Variants in ATP2B3 observed in about 807,000 individuals in gnomAD.
ATP2B3 encodes plasma membrane calcium-transporting ATPase 3.
ATP2B3 carries 12 observed loss-of-function variants against 70.8 expected under a neutral mutation model. The observed-to-expected ratio is 0.17, with a 90% CI of 0.11 to 0.27. The LOEUF (loss-of-function observed/expected upper bound fraction) is 0.27. ATP2B3 is among the 10% of genes least tolerant of loss of function. The pLI, the probability that ATP2B3 is intolerant of heterozygous loss-of-function variation, is 1.00. For missense variants in ATP2B3, 858 were observed against 1,118.5 expected (o/e 0.77, Z 3.32); for synonymous variants, 460 against 497.8 (o/e 0.92, Z 1.01).
intron 3 of ATP2B3, among the ~76,000 whole-genome samples, chrX:153,539,934 G>A (rs1270692348): frequency 8.8e-6 from 1 of 113,117 alleles, no homozygotes; most frequent in Non-Finnish European, 1.9e-5. Flanking sequence ...TGACAGAATT[G>A]GATAGGGACA....
chrX:153,565,247 C>A, intron 21 of ATP2B3, 144 bp downstream of exon 21: 1 of 794,384 alleles, frequency 1.3e-6, no homozygotes, highest in Non-Finnish European at 1.7e-6. Context: ...ACAAAAGCAG[C>A]TGCCAGTGTC....
chrX:153,558,107 C>A lies in ATP2B3; in HGVS notation c.2434-5C>A. On this transcript the variant is annotated splice_region_variant and splice_polypyrimidine_tract_variant and intron_variant, in intron 16 of 21. Transcript: ENST00000263519. The stretch of plus-strand genomic sequence containing the variant: ...TCTGTGTGAGTGTGTGTGTCACCCC[C>A]CCAGGGCATCGCAGGGACCGACGTG... The A allele has an allele frequency of 8.3e-7, 1 of 1,205,322 alleles. No homozygotes were observed. Among genetic ancestry groups the A allele is most frequent in the Non-Finnish European group, 1.1e-6 (1 of 892,153 alleles).
At position 153,547,940 on chromosome X, in the gene ATP2B3, A is replaced by C; in HGVS notation, c.1064A>C (p.Lys355Thr). The C allele has an allele frequency of 8.3e-7, 1 of 1,211,356 alleles. No homozygotes were observed. The highest frequency in any genetic ancestry group is 1.1e-6 in the Non-Finnish European group (1 of 895,176). Reference protein sequence around the residue: ...REKKKANAPKKEKSVLQGKLT... With the variant: ...REKKKANAPKTEKSVLQGKLT... ...AAGAAGAAAGCCAACGCACCCAAAA[A>C]GGAGAAGTCTGTCCTTCAGGGGAAG... Residue 355 changes from lysine to threonine, a missense_variant, in exon 9 of 22, where the codon AAG becomes ACG. Transcript: ENST00000263519.
intron 2 of ATP2B3, among the ~76,000 whole-genome samples, chrX:153,519,493 G>A (rs1366948828): frequency 9.0e-6 from 1 of 111,281 alleles, no homozygotes; most frequent in East Asian, 2.8e-4. Context: ...TTTCACAGAT[G>A]AGGAAACCGA....
chrX:153,569,369 T>C, intron 21 of ATP2B3: 2 of 539,709 alleles, frequency 3.7e-6, no homozygotes, highest in South Asian at 2.4e-5. Flanking sequence ...CTTCCCAATC[T>C]CATGACCACT....
chrX:153,554,874 T>C (rs1397687182), intron 13 of ATP2B3, among the ~76,000 whole-genome samples: 4 of 110,923 alleles, frequency 3.6e-5, no homozygotes, highest in Non-Finnish European at 7.5e-5. Flanking sequence ...GCCTGGCCCT[T>C]TGGGGCCATG....
chrX:153,546,257 G>A, intron 8 of ATP2B3, 128 bp downstream of exon 8: 1 of 840,594 alleles, frequency 1.2e-6, no homozygotes, highest in Non-Finnish European at 1.7e-6. Flanking sequence ...CAGGTGAGTG[G>A]GCTGGCTGCA....
At chrX:153,531,966 C>T (rs2090124724) in intron 2 of ATP2B3, among the ~76,000 whole-genome samples, 1 of 112,061 alleles carries the variant, frequency 8.9e-6, no homozygotes, top group African/African-American at 3.2e-5. Context: ...GAGTGGAATG[C>T]AGCCTGGGCC....
At chrX:153,523,478 G>A (rs2089986605) in intron 2 of ATP2B3, among the ~76,000 whole-genome samples, 1 of 111,995 alleles carries the variant, frequency 8.9e-6, no homozygotes, top group Non-Finnish European at 1.9e-5. Context: ...CTGCCAAATT[G>A]TTCTCCAAAA....
chrX:153,570,436 A>T (rs1603122485), intron 21 of ATP2B3, among the ~76,000 whole-genome samples: 1 of 112,529 alleles, frequency 8.9e-6, no homozygotes, highest in Non-Finnish European at 1.9e-5. Context: ...CCTCTTCAAG[A>T]CGTTGCCAGG....
rs10701340 is a variant in ATP2B3, at chrX:153,524,238, C to CTGTG, written c.-127+5705_-127+5708dup. Among the ~76,000 whole-genome samples, 365 of 106,196 alleles carry CTGTG rather than the reference C, an allele frequency of 3.4e-3. 1 individual carries two copies. The highest frequency in any genetic ancestry group is 0.011 in the African/African-American group (332 of 29,242). 92.2% of individuals were successfully genotyped at this position (106,196 alleles called of 115,157 possible). ...TCCATGTGTCTTCGTGTGTGTGTGT[C>CTGTG]TGTGTGTGTGTGTGTGTGTGTATTG... is the stretch of plus-strand genomic sequence containing the variant. On this transcript the variant is annotated intron_variant, in intron 2 of 21. Transcript: ENST00000263519.
rs376408495 is a variant in ATP2B3 at position 153,541,365 on chromosome X, C to T, written c.215C>T (p.Ala72Val). 44 of 1,210,487 alleles carry T rather than the reference C, an allele frequency of 3.6e-5. No homozygotes were observed. Among genetic ancestry groups the T allele is most frequent in the Middle Eastern group, 2.3e-4 (1 of 4,353 alleles). Residue 72 changes from alanine (A) to valine (V), a missense_variant, in exon 4 of 22, where the codon GCG becomes GTG. Coordinates refer to ENST00000263519, the MANE Select transcript of ATP2B3 (RefSeq NM_001001344.3). ...CTTCCGGGGCACCATGCAGGCCTGG[C>T]GGACAACACCAATGACCTGGAGAAG... is the stretch of plus-strand genomic sequence containing the variant. ...RLKTSPTEGLADNTNDLEKRR... is the reference protein window; with the variant it reads ...RLKTSPTEGLVDNTNDLEKRR...
At position 153,556,069 on chromosome X, in the gene ATP2B3, A is replaced by G. The variant is rs782536620; in HGVS notation, c.2079A>G (p.Lys693=). The G allele has an allele frequency of 1.6e-6, 2 of 1,212,271 alleles. No homozygotes were observed. Among genetic ancestry groups the G allele is most frequent in the Admixed American group, 4.3e-5 (2 of 46,155 alleles). ...TCTAGGTCCCTGAAGCTATCCGAAA[A>G]TGCCAGCGTGCTGGCATCACAGTCC... ...VRPEVPEAIR[K]CQRAGITVRM... The change falls in exon 14 of 22, where the codon AAA becomes AAG. Residue 693 remains lysine (K), a synonymous_variant. Coordinates refer to ENST00000263519, the MANE Select transcript of ATP2B3 (RefSeq NM_001001344.3).
rs200009523 is a variant in ATP2B3 at position 153,559,747 on chromosome X, G to A, written c.2644G>A (p.Val882Met). 4 of 1,209,428 alleles carry A rather than the reference G, an allele frequency of 3.3e-6. No homozygotes were observed. The highest frequency in any genetic ancestry group is 3.5e-5 in the African/African-American group (2 of 57,083). Residue 882 changes from valine to methionine, a missense_variant, in exon 18 of 22, where the codon GTG becomes ATG. Transcript: ENST00000263519. Reference protein sequence around the residue: ...CITQDSPLKAVQMLWVNLIMD... With the variant: ...CITQDSPLKAMQMLWVNLIMD... ...TCCATAGGACTCTCCTCTCAAAGCC[G>A]TGCAGATGTTGTGGGTGAACTTGAT... is the stretch of plus-strand genomic sequence containing the variant.
intron 2 of ATP2B3, among the ~76,000 whole-genome samples, chrX:153,519,987 G>A (rs1299987230): frequency 9.0e-6 from 1 of 110,836 alleles, no homozygotes; most frequent in Non-Finnish European, 1.9e-5. Context: ...GAGGAGGCTC[G>A]TGAGGGTGCC....
At position 153,534,471 on chromosome X, in the gene ATP2B3, C is replaced by T. The variant is rs782350302; in HGVS notation, c.-126-1651C>T. On this transcript the variant is annotated intron_variant, in intron 2 of 21. Coordinates refer to ENST00000263519, the MANE Select transcript of ATP2B3 (RefSeq NM_001001344.3). ...TAGTCTTTTCCCCCCAATGCCTGTC[C>T]CCAGACGCCTTGCCTCACCTTTGCC... 2.6e-4 allele frequency among the ~76,000 whole-genome samples: 29 copies of T among 112,364 alleles called. 1 individual carries two copies. In the East Asian group the frequency reaches 7.9e-3, roughly 30 times the overall value.
chrX:153,518,682 G>A (rs2089912665), intron 2 of ATP2B3, among the ~76,000 whole-genome samples, 131 bp downstream of exon 2: 1 of 111,128 alleles, frequency 9.0e-6, no homozygotes. Context: ...CAGGGCAGGG[G>A]CATGGCGCCG....
In ATP2B3 at chrX:153,569,159, G is replaced by C. The variant is rs376901018; in HGVS notation, c.3342+4056G>C. The C allele has an allele frequency of 1.5e-3, 551 of 363,788 alleles. 4 individuals carry two copies. Among genetic ancestry groups the C allele is most frequent in the African/African-American group, 0.013 (507 of 39,619 alleles). 30.0% of individuals were successfully genotyped at this position (363,788 alleles called of 1,213,427 possible). ...ATGAGCCACAGAAGCTGGCGGAGAC[G>C]GGCAGGCGGATGGAGCATGGGGCAT... is the stretch of plus-strand genomic sequence containing the variant. On this transcript the variant is annotated intron_variant, in intron 21 of 21. Coordinates refer to ENST00000263519, the MANE Select transcript of ATP2B3 (RefSeq NM_001001344.3).
intron 21 of ATP2B3, among the ~76,000 whole-genome samples, chrX:153,567,262 T>C (rs2090721141): frequency 8.8e-6 from 1 of 113,499 alleles, no homozygotes; most frequent in South Asian, 3.5e-4. Flanking sequence ...AATAAATATT[T>C]CTGCGCTAAA....
Sources: allele counts gnomAD v4.1 joint callset (sites outside exome capture counted in the v4.1 genomes callset), GRCh38; gene constraint gnomAD v4.1.1; transcripts MANE v1.5; gene names NCBI Gene and HGNC (gene_info 2026-07-23, HGNC 2026-07-21).